The following RRM2 variants were observed in gnomAD, a reference collection of about 807,000 sequenced individuals.
The protein encoded by RRM2 is ribonucleoside-diphosphate reductase subunit M2.
A neutral mutation model predicts 45.9 loss-of-function variants in RRM2; 6 were observed. That is an observed-to-expected ratio of 0.13 (90% CI 0.07 to 0.26). The LOEUF is 0.26. RRM2 is among the 10% of genes least tolerant of loss of function. The pLI is 1.00. For missense variants in RRM2, 343 were observed against 489.5 expected, an observed-to-expected ratio of 0.70 and a Z score of 2.82; for synonymous variants, 177 against 173.0, an observed-to-expected ratio of 1.02 and a Z score of -0.18.
intron 3 of RRM2, among the ~76,000 whole-genome samples, chr2:10,145,080 A>C (rs1663161974): frequency 6.6e-6 from 1 of 151,932 alleles, no homozygotes; most frequent in Non-Finnish European, 1.5e-5. Context: ...CGGGAGGGAA[A>C]GGAGGGAGGG....
intron 3 of RRM2, among the ~76,000 whole-genome samples, chr2:10,209,613 A>C (rs1558410013): frequency 3.1e-5 from 1 of 32,368 alleles, no homozygotes; most frequent in Non-Finnish European, 1.1e-4. Flanking sequence ...GTGTGCGTGC[A>C]TGCGTGTGTG....
intron 4 of RRM2, 24 bp from the exon 5 acceptor site, chr2:10,124,693 A>G (rs1052571664): frequency 1.9e-6 from 3 of 1,594,972 alleles, no homozygotes; most frequent in African/African-American, 2.7e-5. Flanking sequence ...TCTCAAGCTT[A>G]ACTTTGATGT....
At chr2:10,196,709 A>G (rs1376684591) in intron 3 of RRM2, among the ~76,000 whole-genome samples, 1 of 152,236 alleles carries the variant, frequency 6.6e-6, no homozygotes, top group Non-Finnish European at 1.5e-5. Flanking sequence ...CAGTGACCGC[A>G]CAGGGCGATG....
chr2:10,202,898 G>A (rs559632687), intron 3 of RRM2, among the ~76,000 whole-genome samples: 7 of 152,246 alleles, frequency 4.6e-5, no homozygotes, highest in South Asian at 2.1e-4. Flanking sequence ...GTTCCCAGCC[G>A]TTGGCCCGTT....
chr2:10,125,694 A>G (rs1485069864), intron 5 of RRM2, among the ~76,000 whole-genome samples: 1 of 152,220 alleles, frequency 6.6e-6, no homozygotes, highest in African/African-American at 2.4e-5. Flanking sequence ...AGCAAAAAAA[A>G]CAAAGGTCAG....
At chr2:10,183,842 C>T (rs1664108473) in intron 3 of RRM2, among the ~76,000 whole-genome samples, 1 of 150,396 alleles carries the variant, frequency 6.6e-6, no homozygotes, top group African/African-American at 2.4e-5. Flanking sequence ...GTAATCCCAG[C>T]ACTTTGGGAG....
intron 3 of RRM2, among the ~76,000 whole-genome samples, chr2:10,183,428 A>G (rs1003799463): frequency 3.3e-5 from 5 of 152,246 alleles, no homozygotes; most frequent in African/African-American, 9.6e-5. Flanking sequence ...CAGAGTCAAC[A>G]GTGGCAAGAG....
chr2:10,183,311 A>G (rs13030003), intron 3 of RRM2, among the ~76,000 whole-genome samples: 40,129 of 152,182 alleles, frequency 0.26, 5,659 homozygotes, highest in South Asian at 0.45. Flanking sequence ...CACGGGGCTG[A>G]TGTGCCATCT....
chr2:10,210,581 C>A lies in RRM2; in HGVS notation n.753C>A, dbSNP rs915377885. 2.2e-6 allele frequency: 3 copies of A among 1,365,732 alleles called. No individual in the cohort carries two copies. In the African/African-American group the frequency reaches 4.4e-5, roughly 20 times the overall value. The allele number at this position is 1,365,732 out of a possible 1,614,324, so 84.6% of individuals were successfully genotyped here. ...GCAGGTGGACCCACCATTCTCAGAC[C>A]CCCCAGGGCCCCATAGACAGCAGAT... On this transcript the variant is annotated non_coding_transcript_exon_variant, in exon 4 of 4. Transcript: ENST00000381786.
In RRM2 at chr2:10,177,269, A is replaced by G. The variant is rs139247848; in HGVS notation, n.483-33042A>G. ...TCAATAAAATAAAATAAAATAATAG[A>G]ATAAAATAGAATAAAAAAAAATATG... On this transcript the variant is annotated intron_variant and non_coding_transcript_variant, in intron 3 of 3. Transcript: ENST00000381786. Among the ~76,000 whole-genome samples the G allele has an allele frequency of 7.8e-4, 71 of 90,520 alleles. 1 individual carries two copies. The highest frequency in any genetic ancestry group is 2.4e-3 in the African/African-American group (66 of 26,994). The allele number at this position is 90,520 out of a possible 152,430, so 59.4% of individuals were successfully genotyped here.
At chr2:10,157,781 G>A (rs1663464660) in intron 3 of RRM2, among the ~76,000 whole-genome samples, 1 of 152,148 alleles carries the variant, frequency 6.6e-6, no homozygotes, top group Admixed American at 6.6e-5. Context: ...TCTATTAGAG[G>A]CAACTAATGG....
At chr2:10,207,311 G>T (rs181692304) in intron 3 of RRM2, among the ~76,000 whole-genome samples, 3 of 152,086 alleles carry the variant, frequency 2.0e-5, no homozygotes, top group Non-Finnish European at 4.4e-5. Flanking sequence ...ACTGCATTTT[G>T]CTCACCACCT....
intron 3 of RRM2, among the ~76,000 whole-genome samples, chr2:10,143,381 G>A (rs942564169): frequency 6.6e-6 from 1 of 152,208 alleles, no homozygotes; most frequent in African/African-American, 2.4e-5. Flanking sequence ...TTACCACTTC[G>A]CTTTTTCATA....
intron 3 of RRM2, among the ~76,000 whole-genome samples, chr2:10,207,551 C>T (rs1024184368): frequency 6.6e-6 from 1 of 152,216 alleles, no homozygotes; most frequent in Admixed American, 6.5e-5. Context: ...CCGCCCCAGC[C>T]TCTCTGGACT....
intron 3 of RRM2, among the ~76,000 whole-genome samples, chr2:10,175,058 T>A (rs2125323635): frequency 6.6e-6 from 1 of 152,314 alleles, no homozygotes; most frequent in African/African-American, 2.4e-5. Flanking sequence ...GCATGTGGGC[T>A]TTTTTCTTAT....
chr2:10,207,642 C>T (rs1161191323), intron 3 of RRM2, among the ~76,000 whole-genome samples: 1 of 152,054 alleles, frequency 6.6e-6, no homozygotes, highest in African/African-American at 2.4e-5. Flanking sequence ...TGGGTCCTTC[C>T]CTTCTTTCTT....
intron 3 of RRM2, chr2:10,142,439 G>T (rs1572497957): frequency 7.4e-7 from 1 of 1,354,858 alleles, no homozygotes; most frequent in East Asian, 4.6e-5. Context: ...GGCTTGCGGG[G>T]CCTGTCATCT....
rs1230269719 is a variant in RRM2, at chr2:10,131,281, C to G, written c.*1895C>G. 2 of 152,178 alleles carry G rather than the reference C, an allele frequency of 1.3e-5. No homozygotes were observed. The highest frequency in any genetic ancestry group is 2.9e-5 in the Non-Finnish European group (2 of 68,038). The allele number at this position is 152,178 out of a possible 1,614,324, so 9.4% of individuals were successfully genotyped here. A position where few individuals can be genotyped will look rare whatever the true frequency, so the allele number is the denominator to read the frequency against. ...GTTTTAGGATTCTGTCTCTCATTAG[C>G]TGAATAATGTGAGGATTAACTTCTG... On this transcript the variant is annotated 3_prime_UTR_variant, in exon 10 of 10. Coordinates refer to ENST00000304567, the MANE Select transcript of RRM2 (RefSeq NM_001034.4).
At position 10,169,426 on chromosome 2, in the gene RRM2, C is replaced by T. The variant is rs946123684; in HGVS notation, n.482+27051C>T. ...TTTGTTCTAGAAAAGTGCTCATAGG[C>T]GCTGTGAAGGCCTTGATGTCCTCTG... is the stretch of plus-strand genomic sequence containing the variant. On this transcript the variant is annotated intron_variant and non_coding_transcript_variant, in intron 3 of 3. Coordinates refer to the RRM2 transcript ENST00000381786. The surrounding 1 kb of genome is among the most constrained non-coding windows in gnomAD (Gnocchi z 5.1). Among the ~76,000 whole-genome samples the T allele has an allele frequency of 2.0e-5, 3 of 152,130 alleles. No individual in the cohort carries two copies. Among genetic ancestry groups the T allele is most frequent in the Admixed American group, 1.3e-4 (2 of 15,256 alleles).
Sources: gnomAD v4.1 joint callset for allele counts (sites outside exome capture counted in the v4.1 genomes callset) on GRCh38, gnomAD v4.1.1 for gene constraint, Gnocchi (gnomAD v3.1) non-coding constraint, MANE v1.5 for transcripts, NCBI Gene and HGNC (gene_info 2026-07-23, HGNC 2026-07-21) for gene names.